The following PRKN variants were observed in gnomAD, a reference collection of about 807,000 sequenced individuals.
The protein encoded by PRKN is E3 ubiquitin-protein ligase parkin.
Under a neutral mutation model 59.5 loss-of-function variants are expected in PRKN, and 56 were observed. The observed-to-expected ratio is 0.94, with a 90% CI of 0.76 to 1.18. The LOEUF (loss-of-function observed/expected upper bound fraction) is 1.18, where lower values mean the gene tolerates loss of function less well. Ranked by LOEUF, PRKN falls within the 50% of genes most tolerant of loss-of-function variation. The pLI is 0.00. For missense variants in PRKN, 657 were observed against 596.4 expected (o/e 1.10, Z -1.06); for synonymous variants, 250 against 222.1 (o/e 1.13, Z -1.12).
At chr6:162,457,550 G>T (rs1057122472) in intron 1 of PRKN, among the ~76,000 whole-genome samples, 2 of 150,590 alleles carry the variant, frequency 1.3e-5, no homozygotes, top group Non-Finnish European at 1.5e-5. Flanking sequence ...ATAATTTCAA[G>T]ATTACTAACT....
intron 4 of PRKN, among the ~76,000 whole-genome samples, chr6:162,057,094 C>T (rs930289794): frequency 6.6e-6 from 1 of 152,008 alleles, no homozygotes; most frequent in Non-Finnish European, 1.5e-5. Flanking sequence ...CAGGACATGA[C>T]GACATAGGAT....
chr6:161,573,570 A>G (rs1985290), intron 7 of PRKN, among the ~76,000 whole-genome samples: 102,171 of 148,848 alleles, frequency 0.69, 35,930 homozygotes, highest in African/African-American at 0.85. Context: ...AATACAAAAA[A>G]TTAGCCTGGC....
intron 6 of PRKN, among the ~76,000 whole-genome samples, chr6:161,840,209 G>A (rs1792926795): frequency 6.6e-6 from 1 of 152,224 alleles, no homozygotes; most frequent in Non-Finnish European, 1.5e-5. Flanking sequence ...AATGGCAAGT[G>A]CAGATAGTGT....
chr6:162,475,563 ATGTG>A (rs1287445414), intron 1 of PRKN, among the ~76,000 whole-genome samples: 2 of 140,364 alleles, frequency 1.4e-5, no homozygotes, highest in East Asian at 4.3e-4. Flanking sequence ...ATGTGTATGC[ATGTG>A]AGTGTGTGTG....
rs1224686299 is a variant in PRKN at position 162,438,100 on chromosome 6, A to C, written c.171+5210T>G. On this transcript the variant is annotated intron_variant, in intron 2 of 11. Coordinates refer to ENST00000366898, the MANE Select transcript of PRKN (RefSeq NM_004562.3). ...CTCACCAGCATTTGGTGTTGTCTTT[A>C]TTTTGTATTTTAATTTACCTACTTT... 2.0e-5 allele frequency among the ~76,000 whole-genome samples: 3 copies of C among 151,978 alleles called. No individual in the cohort carries two copies. In the East Asian group the frequency reaches 5.8e-4, roughly 29 times the overall value.
intron 4 of PRKN, among the ~76,000 whole-genome samples, chr6:162,054,680 C>T (rs1253488245): frequency 1.3e-5 from 2 of 152,240 alleles, no homozygotes; most frequent in Admixed American, 6.5e-5. Flanking sequence ...GGCCTGGCAT[C>T]GAGGGGGTGC....
At chr6:162,406,218 T>C (rs2128152265) in intron 2 of PRKN, among the ~76,000 whole-genome samples, 1 of 152,314 alleles carries the variant, frequency 6.6e-6, no homozygotes, top group South Asian at 2.1e-4. Context: ...TTATTCCAAA[T>C]GGACAGATGT....
In PRKN at chr6:162,147,168, T is replaced by C. The variant is rs191279926; in HGVS notation, c.534+53963A>G. Among the ~76,000 whole-genome samples, 338 of 151,054 alleles carry C rather than the reference T, an allele frequency of 2.2e-3. 1 individual carries two copies. Among genetic ancestry groups the C allele is most frequent in the African/African-American group, 7.8e-3 (322 of 41,402 alleles). On this transcript the variant is annotated intron_variant, in intron 4 of 11. Transcript: ENST00000366898. Reference sequence around the variant, plus strand: ...CAAGGCTGGCCAATATGGTGAAACCTCATCTCTACTAAAAACACAAAAATT... The same window carrying C: ...CAAGGCTGGCCAATATGGTGAAACCCCATCTCTACTAAAAACACAAAAATT...
chr6:162,102,178 C>T (rs1779998062), intron 4 of PRKN, among the ~76,000 whole-genome samples: 1 of 152,152 alleles, frequency 6.6e-6, no homozygotes, highest in African/African-American at 2.4e-5. Context: ...ATTCCCAATA[C>T]TCTCCGTCCC....
intron 1 of PRKN, among the ~76,000 whole-genome samples, chr6:162,685,955 A>G (rs537702480): frequency 1.3e-5 from 2 of 152,246 alleles, no homozygotes; most frequent in African/African-American, 4.8e-5. Context: ...CTTTGCATGC[A>G]ATAGAGGGTA....
Position 162,510,354 on chromosome 6 carries a change from T to C in PRKN, c.8-66881A>G, listed in dbSNP as rs151236930. Among the ~76,000 whole-genome samples, 589 of 151,788 alleles carry C rather than the reference T, an allele frequency of 3.9e-3. 4 individuals carry two copies. The highest frequency in any genetic ancestry group is 6.1e-3 in the Non-Finnish European group (413 of 68,024). On this transcript the variant is annotated intron_variant, in intron 1 of 11. Transcript: ENST00000366898. ...CACAGAACTTGTTCAGAATTTGGAA[T>C]GCATTTTCCATATGATGATGGCAGG...
intron 1 of PRKN, among the ~76,000 whole-genome samples, chr6:162,468,698 G>A (rs546782889): frequency 1.2e-4 from 19 of 152,252 alleles, no homozygotes; most frequent in Admixed American, 2.0e-4. Context: ...GAGCAGCTCC[G>A]GCCAGCCAAG....
At chr6:162,000,064 C>G (rs1188854032) in intron 5 of PRKN, among the ~76,000 whole-genome samples, 1 of 152,080 alleles carries the variant, frequency 6.6e-6, no homozygotes, top group African/African-American at 2.4e-5. Flanking sequence ...ATCTTGGCTG[C>G]TTCCAAGTTT....
intron 9 of PRKN, among the ~76,000 whole-genome samples, chr6:161,542,995 T>G (rs1317405320): frequency 6.6e-6 from 1 of 152,234 alleles, no homozygotes; most frequent in Non-Finnish European, 1.5e-5. Context: ...ATAAGAAAAG[T>G]AACCATTTTC....
rs1198644115 is a variant in PRKN at position 161,386,142 on chromosome 6, T to C, written c.1167+652A>G. On this transcript the variant is annotated intron_variant, in intron 10 of 11. Transcript: ENST00000366898. This position sits in a 1 kb window ranked among gnomAD's most constrained non-coding sequence, Gnocchi z 4.3. ...GTTTAAACCCTTGTTAACATCTACA[T>C]TGGGAGAAAAATAATGAGCAAATTC... Among the ~76,000 whole-genome samples the C allele has an allele frequency of 1.3e-5, 2 of 152,248 alleles. No individual in the cohort carries two copies. Among genetic ancestry groups the C allele is most frequent in the African/African-American group, 4.8e-5 (2 of 41,470 alleles).
intron 1 of PRKN, among the ~76,000 whole-genome samples, chr6:162,562,219 A>G (rs889711557): frequency 6.6e-6 from 1 of 152,188 alleles, no homozygotes; most frequent in Admixed American, 6.5e-5. Flanking sequence ...ACTGCCTTGA[A>G]AGAAAGGAGC....
chr6:162,432,266 G>T (rs1789570794), intron 2 of PRKN, among the ~76,000 whole-genome samples: 1 of 152,130 alleles, frequency 6.6e-6, no homozygotes, highest in South Asian at 2.1e-4. Context: ...CGTGGCTCAT[G>T]CCTGTAATCT....
chr6:161,773,286 A>G (rs886949730), intron 7 of PRKN, among the ~76,000 whole-genome samples: 1 of 152,248 alleles, frequency 6.6e-6, no homozygotes, highest in Admixed American at 6.5e-5. Context: ...GATATATTTA[A>G]AGGTCAATTA....
chr6:162,006,615 A>G (rs1218297767), intron 5 of PRKN, among the ~76,000 whole-genome samples: 1 of 152,178 alleles, frequency 6.6e-6, no homozygotes, highest in Non-Finnish European at 1.5e-5. Flanking sequence ...CTCTTCAGAT[A>G]GGCCAAGCTC....
Sources: gnomAD v4.1 joint callset for allele counts (sites outside exome capture counted in the v4.1 genomes callset) on GRCh38, gnomAD v4.1.1 for gene constraint, Gnocchi (gnomAD v3.1) non-coding constraint, MANE v1.5 for transcripts, NCBI Gene and HGNC (gene_info 2026-07-23, HGNC 2026-07-21) for gene names.